MACROD2: variants seen among roughly 807,000 people sequenced by gnomAD.
MACROD2 encodes the protein ADP-ribose glycohydrolase MACROD2.
MACROD2 carries 36 observed loss-of-function variants against 70.4 expected under a neutral mutation model. That is an observed-to-expected ratio of 0.51 (90% CI 0.39 to 0.68). MACROD2 has a LOEUF of 0.68. Ranked by LOEUF, MACROD2 falls within the 30% of genes least tolerant of loss-of-function variation. The pLI, the probability that MACROD2 is intolerant of heterozygous loss-of-function variation, is 0.00. For missense variants in MACROD2, 496 were observed against 538.4 expected (o/e 0.92, Z 0.78); for synonymous variants, 172 against 178.8 (o/e 0.96, Z 0.30).
chr20:15,167,263 A>G (rs1169317600), intron 5 of MACROD2, among the ~76,000 whole-genome samples: 1 of 152,194 alleles, frequency 6.6e-6, no homozygotes, highest in African/African-American at 2.4e-5. Context: ...AAAGTATTGT[A>G]TATCTCAGGC....
At chr20:14,985,197 ATG>A (rs2074837615) in intron 5 of MACROD2, among the ~76,000 whole-genome samples, 1 of 152,164 alleles carries the variant, frequency 6.6e-6, no homozygotes, top group Non-Finnish European at 1.5e-5. Context: ...TAGCTAACCT[ATG>A]ACACTTCACT....
chr20:14,080,611 G>A (rs1360235929), intron 2 of MACROD2, among the ~76,000 whole-genome samples: 1 of 152,000 alleles, frequency 6.6e-6, no homozygotes, highest in East Asian at 1.9e-4. Context: ...AAAAGGAAGT[G>A]AGTGGAGAGA....
chr20:15,770,937 C>T lies in MACROD2; in HGVS notation c.646-91808C>T, dbSNP rs147839734. Among the ~76,000 whole-genome samples, 9 of 152,240 alleles carry T rather than the reference C, an allele frequency of 5.9e-5. No individual in the cohort carries two copies. In the East Asian group the frequency reaches 1.4e-3, roughly 23 times the overall value. On this transcript the variant is annotated intron_variant, in intron 8 of 17. Coordinates refer to ENST00000684519, the MANE Select transcript of MACROD2 (RefSeq NM_001351661.2). The stretch of plus-strand genomic sequence containing the variant: ...ACATTCCATTGGCCAAAGCAAGTCT[C>T]GTGATCAAACTCCAAATCAATGAGG...
intron 13 of MACROD2, among the ~76,000 whole-genome samples, chr20:15,972,310 T>C (rs1345136698): frequency 6.6e-6 from 1 of 152,146 alleles, no homozygotes; most frequent in Non-Finnish European, 1.5e-5. Flanking sequence ...AGAAAAAATA[T>C]TTGAAGTAAA....
At chr20:15,066,715 A>G (rs1217935030) in intron 5 of MACROD2, among the ~76,000 whole-genome samples, 1 of 151,814 alleles carries the variant, frequency 6.6e-6, no homozygotes, top group Non-Finnish European at 1.5e-5. Context: ...CCCCATCTCT[A>G]CTAAAAATAC....
At chr20:15,113,960 G>A (rs962200127) in intron 5 of MACROD2, among the ~76,000 whole-genome samples, 1 of 152,130 alleles carries the variant, frequency 6.6e-6, no homozygotes, top group African/African-American at 2.4e-5. Flanking sequence ...TCCCAGAGAA[G>A]CATAAGAAGG....
chr20:14,438,794 A>G (rs1056801331), intron 3 of MACROD2, among the ~76,000 whole-genome samples: 2 of 152,318 alleles, frequency 1.3e-5, no homozygotes, highest in Middle Eastern at 3.4e-3. Flanking sequence ...TGAGTTCTTT[A>G]TAAGTCATGG....
intron 3 of MACROD2, among the ~76,000 whole-genome samples, chr20:14,151,673 A>G (rs2055023080): frequency 6.6e-6 from 1 of 152,166 alleles, no homozygotes; most frequent in African/African-American, 2.4e-5. Context: ...AAACAAAAAC[A>G]TGGTCTAGTT....
At chr20:15,943,535 AGAATGAAAGTG>A (rs1455892247) in intron 12 of MACROD2, among the ~76,000 whole-genome samples, 1 of 152,194 alleles carries the variant, frequency 6.6e-6, no homozygotes, top group Non-Finnish European at 1.5e-5. Context: ...CCTTAAGTGT[AGAATGAAAGTG>A]GCTGTCCTCT....
At chr20:14,516,060 C>A (rs1487723998) in intron 4 of MACROD2, among the ~76,000 whole-genome samples, 1 of 147,552 alleles carries the variant, frequency 6.8e-6, no homozygotes, top group Non-Finnish European at 1.5e-5. Context: ...TCTATAAAAT[C>A]ATTATCTCTC....
At chr20:14,632,656 A>T (rs1227386525) in intron 4 of MACROD2, among the ~76,000 whole-genome samples, 3 of 152,210 alleles carry the variant, frequency 2.0e-5, no homozygotes, top group Non-Finnish European at 4.4e-5. Flanking sequence ...GGTAGTAGAT[A>T]GTTAAAAGTT....
At chr20:15,554,571 A>G (rs2048141430) in intron 8 of MACROD2, among the ~76,000 whole-genome samples, 1 of 152,018 alleles carries the variant, frequency 6.6e-6, no homozygotes, top group Non-Finnish European at 1.5e-5. Flanking sequence ...AGAAATATCA[A>G]ATTATATAAT....
In MACROD2 at chr20:15,006,951, T is replaced by A. The variant is rs13044023; in HGVS notation, c.419-222989T>A. Among the ~76,000 whole-genome samples the A allele has an allele frequency of 4.0e-3, 604 of 152,222 alleles. 2 individuals carry two copies. Among genetic ancestry groups the A allele is most frequent in the Non-Finnish European group, 6.7e-3 (458 of 68,000 alleles). On this transcript the variant is annotated intron_variant, in intron 5 of 17. Coordinates refer to ENST00000684519, the MANE Select transcript of MACROD2 (RefSeq NM_001351661.2). ...AAGGTGAACAAAAAGAGTGTTTTTT[T>A]AAAAATGAACATAAAGTCTAAGGCT...
At chr20:15,088,394 A>G (rs2081209051) in intron 5 of MACROD2, among the ~76,000 whole-genome samples, 1 of 102,940 alleles carries the variant, frequency 9.7e-6, no homozygotes, top group Non-Finnish European at 1.9e-5. Context: ...TATATACTAT[A>G]TTTTATATAT....
chr20:15,893,052 A>G (rs1450863306), intron 10 of MACROD2: 1 of 398,936 alleles, frequency 2.5e-6, no homozygotes, highest in Non-Finnish European at 4.4e-6. Context: ...TATGCCATGA[A>G]AAGAAACATA....
At chr20:14,424,088 T>C (rs1272725279) in intron 3 of MACROD2, among the ~76,000 whole-genome samples, 1 of 152,140 alleles carries the variant, frequency 6.6e-6, no homozygotes, top group African/African-American at 2.4e-5. Flanking sequence ...TGTGTCTAAA[T>C]TTTTATATTG....
intron 8 of MACROD2, among the ~76,000 whole-genome samples, chr20:15,779,580 G>T (rs553116898): frequency 6.6e-6 from 1 of 152,130 alleles, no homozygotes; most frequent in South Asian, 2.1e-4. Flanking sequence ...CTTACTGGCT[G>T]GTCAAAAAAA....
intron 5 of MACROD2, among the ~76,000 whole-genome samples, chr20:15,055,515 C>G (rs1000213389): frequency 6.6e-6 from 1 of 152,172 alleles, no homozygotes; most frequent in Admixed American, 6.6e-5. Context: ...TTCTCCCCCT[C>G]TTTCTTCAAA....
chr20:14,714,844 G>T (rs903572273), intron 5 of MACROD2, among the ~76,000 whole-genome samples: 1 of 152,172 alleles, frequency 6.6e-6, no homozygotes, highest in African/African-American at 2.4e-5. Flanking sequence ...TACATGTGCG[G>T]TTTCACCACT....
Sources: allele counts gnomAD v4.1 joint callset (sites outside exome capture counted in the v4.1 genomes callset), GRCh38; gene constraint gnomAD v4.1.1; transcripts MANE v1.5; gene names NCBI Gene and HGNC (gene_info 2026-07-23, HGNC 2026-07-21).